The following DLC1 variants were observed in gnomAD, a reference collection of about 807,000 sequenced individuals.
The protein encoded by DLC1 is rho GTPase-activating protein 7.
Under a neutral mutation model 140.3 loss-of-function variants are expected in DLC1, and 54 were observed. The observed-to-expected ratio is 0.38, with a 90% CI of 0.31 to 0.48. The LOEUF (loss-of-function observed/expected upper bound fraction) is 0.48. DLC1 is among the 20% of genes least tolerant of loss of function. The pLI is 0.96. For missense variants in DLC1, 2,536 were observed against 1,907.0 expected (o/e 1.33, Z -6.14); for synonymous variants, 986 against 728.1 (o/e 1.35, Z -5.70).
rs559106944 is a variant in DLC1 at position 13,233,928 on chromosome 8, T to C, written c.1348+71341A>G. Among the ~76,000 whole-genome samples, 7 of 152,348 alleles carry C rather than the reference T, an allele frequency of 4.6e-5. No homozygotes were observed. In the South Asian group the frequency reaches 1.4e-3, roughly 32 times the overall value. ...TCTCTGTGTTTCTCTGAGGCTAGTA[T>C]AACATTAAATGTCTCAAAAGTCTCA... On this transcript the variant is annotated intron_variant, in intron 5 of 17. Transcript: ENST00000276297.
intron 5 of DLC1, among the ~76,000 whole-genome samples, chr8:13,198,568 T>C (rs1437857874): frequency 6.6e-6 from 1 of 152,220 alleles, no homozygotes; most frequent in African/African-American, 2.4e-5. Context: ...AATTTTTCTT[T>C]TAGATTTTGG....
intron 1 of DLC1, among the ~76,000 whole-genome samples, chr8:13,510,110 A>T (rs1182851916): frequency 6.6e-6 from 1 of 151,944 alleles, no homozygotes; most frequent in Non-Finnish European, 1.5e-5. Flanking sequence ...TATGTCCATG[A>T]TATTTCAATA....
chr8:13,236,585 T>G (rs568984258), intron 5 of DLC1, among the ~76,000 whole-genome samples: 10 of 152,220 alleles, frequency 6.6e-5, no homozygotes, highest in Non-Finnish European at 1.2e-4. Flanking sequence ...GAACCACAGA[T>G]TTCTGGGTCC....
chr8:13,191,929 T>G (rs986699358), intron 5 of DLC1, among the ~76,000 whole-genome samples: 2 of 127,380 alleles, frequency 1.6e-5, no homozygotes, highest in Admixed American at 1.5e-4. Context: ...GTGGCCTGAT[T>G]ATTATTATTA....
rs1801683144 is a variant in DLC1 at position 13,499,486 on chromosome 8, C to T, written c.586G>A (p.Glu196Lys). 1 of 1,614,014 alleles carries T rather than the reference C, an allele frequency of 6.2e-7. No homozygotes were observed. The highest frequency in any genetic ancestry group is 1.3e-5 in the African/African-American group (1 of 74,912). ...TCTTTTATTTCACTTAAGCTTATTT[C>T]ATTGCAAAGCTCCAGGCTTTTACTT... Reference protein sequence around the residue: ...SISKSLELCNEISLSEIKDAP... With the variant: ...SISKSLELCNKISLSEIKDAP... The change falls in exon 2 of 18, where the codon GAA becomes AAA. Residue 196 changes from glutamate (E) to lysine (K), a missense_variant. Physicochemically the swap from Glu to Lys is moderately conservative, Grantham distance 56. Transcript: ENST00000276297.
intron 3 of DLC1, among the ~76,000 whole-genome samples, chr8:13,395,401 T>C (rs948412899): frequency 6.6e-6 from 1 of 152,146 alleles, no homozygotes; most frequent in African/African-American, 2.4e-5. Context: ...ATTGCGCGCA[T>C]GAGCCACCGC....
chr8:13,245,735 C>G (rs1001572101), intron 5 of DLC1, among the ~76,000 whole-genome samples: 3 of 152,166 alleles, frequency 2.0e-5, no homozygotes, highest in African/African-American at 7.2e-5. Flanking sequence ...AGAGCTCACT[C>G]TGTCACCCAG....
At chr8:13,171,131 G>A (rs958551123) in intron 5 of DLC1, among the ~76,000 whole-genome samples, 1 of 152,148 alleles carries the variant, frequency 6.6e-6, no homozygotes, top group African/African-American at 2.4e-5. Flanking sequence ...GAGAAAAAAA[G>A]GGAATACCTC....
chr8:13,137,687 C>T (rs1822676969), intron 5 of DLC1, among the ~76,000 whole-genome samples: 1 of 151,338 alleles, frequency 6.6e-6, no homozygotes, highest in South Asian at 2.1e-4. Flanking sequence ...CTACAACCTC[C>T]GCCTCTGGTT....
chr8:13,331,045 G>T (rs978664011), intron 4 of DLC1, among the ~76,000 whole-genome samples: 1 of 152,126 alleles, frequency 6.6e-6, no homozygotes, highest in Non-Finnish European at 1.5e-5. Flanking sequence ...GAGGAGAAAA[G>T]CTCACTACCT....
At chr8:13,458,094 C>A (rs575227843) in intron 2 of DLC1, among the ~76,000 whole-genome samples, 40 of 152,148 alleles carry the variant, frequency 2.6e-4, no homozygotes, top group Admixed American at 2.2e-3. Context: ...GCAATCAGTA[C>A]GGAATCCATT....
intron 5 of DLC1, among the ~76,000 whole-genome samples, chr8:13,181,234 T>C (rs1826013353): frequency 1.3e-5 from 2 of 152,040 alleles, no homozygotes; most frequent in African/African-American, 4.8e-5. Flanking sequence ...CTTGGAAAGC[T>C]CTTCCCCCAG....
chr8:13,393,633 T>A lies in DLC1; in HGVS notation c.1234A>T (p.Asn412Tyr), dbSNP rs766412773. 6.2e-7 allele frequency: 1 copy of A among 1,614,114 alleles called. No individual in the cohort carries two copies. The highest frequency in any genetic ancestry group is 8.5e-7 in the Non-Finnish European group (1 of 1,180,014). The part of the protein sequence containing the change: ...DTISVNQTRV[N>Y]LSSDTESTDL... The stretch of plus-strand genomic sequence containing the variant: ...GTGGACTCAGTGTCAGAAGACAAAT[T>A]TACTCGTGTCTGATTTACTGAAATG... The change falls in exon 4 of 18, where the codon AAT becomes TAT. Residue 412 changes from asparagine (N) to tyrosine (Y), a missense_variant. Asn to Tyr is a moderately radical substitution (Grantham distance 143, BLOSUM62 -2). Coordinates refer to ENST00000276297, the MANE Select transcript of DLC1 (RefSeq NM_182643.3).
At chr8:13,415,064 G>A (rs1837987962) in intron 2 of DLC1, among the ~76,000 whole-genome samples, 1 of 151,996 alleles carries the variant, frequency 6.6e-6, no homozygotes, top group Non-Finnish European at 1.5e-5. Context: ...TGCCCACCTT[G>A]GCCTCCTAAA....
chr8:13,438,770 C>A (rs1476620466), intron 2 of DLC1, among the ~76,000 whole-genome samples: 5 of 152,194 alleles, frequency 3.3e-5, no homozygotes, highest in South Asian at 2.1e-4. Flanking sequence ...GGAAACTTCG[C>A]TGTCCAAAAC....
intron 4 of DLC1, among the ~76,000 whole-genome samples, chr8:13,387,833 A>G (rs777891054): frequency 2.0e-5 from 3 of 151,966 alleles, no homozygotes; most frequent in Admixed American, 6.6e-5. Flanking sequence ...CCTGCAGCAT[A>G]TTTATTATTT....
Position 13,086,279 on chromosome 8 carries a change from T to C in DLC1, c.4466+11A>G, listed in dbSNP as rs1250863876. 1 of 1,608,996 alleles carries C rather than the reference T, an allele frequency of 6.2e-7. No homozygotes were observed. Among genetic ancestry groups the C allele is most frequent in the East Asian group, 2.2e-5 (1 of 44,794 alleles). ...CCCTCACCATATAAAAAAATCAGAA[T>C]CAGAACATACCTTAAGTCAACTCTG... On this transcript the variant is annotated intron_variant, in intron 17 of 17. Coordinates refer to ENST00000276297, the MANE Select transcript of DLC1 (RefSeq NM_182643.3).
At chr8:13,378,029 T>C (rs1836080157) in intron 4 of DLC1, among the ~76,000 whole-genome samples, 1 of 150,968 alleles carries the variant, frequency 6.6e-6, no homozygotes, top group South Asian at 2.1e-4. Context: ...TTAATGATGT[T>C]ACTATTTTAA....
intron 2 of DLC1, among the ~76,000 whole-genome samples, chr8:13,466,045 C>A (rs1799918045): frequency 6.6e-6 from 1 of 152,194 alleles, no homozygotes; most frequent in Admixed American, 6.5e-5. Flanking sequence ...ACTTGACTCA[C>A]CCCACTGATG....
Sources: allele counts gnomAD v4.1 joint callset (sites outside exome capture counted in the v4.1 genomes callset), GRCh38; gene constraint gnomAD v4.1.1; transcripts MANE v1.5; gene names NCBI Gene and HGNC (gene_info 2026-07-23, HGNC 2026-07-21).